Variants in CDH13 observed in about 807,000 individuals in gnomAD.
CDH13 encodes the protein cadherin 13, also known as cadherin-13.
In CDH13, 24 loss-of-function variants were observed where a neutral mutation model predicts 63.8. The observed-to-expected ratio is 0.38, with a 90% CI of 0.27 to 0.53. The LOEUF (loss-of-function observed/expected upper bound fraction) is 0.53, where lower values mean the gene tolerates loss of function less well. CDH13 is among the 20% of genes least tolerant of loss of function. The pLI, the probability that CDH13 is intolerant of heterozygous loss-of-function variation, is 0.85. For missense variants in CDH13, 1,049 were observed against 903.1 expected (o/e 1.16, Z -2.07); for synonymous variants, 503 against 355.3 (o/e 1.42, Z -4.67).
intron 2 of CDH13, among the ~76,000 whole-genome samples, chr16:83,024,848 C>T (rs950200411): frequency 1.3e-5 from 2 of 152,186 alleles, no homozygotes; most frequent in African/African-American, 4.8e-5. Context: ...GTTTTTCCTT[C>T]ACAACTGTTC....
At chr16:83,327,784 A>C (rs534638796) in intron 5 of CDH13, among the ~76,000 whole-genome samples, 38 of 152,352 alleles carry the variant, frequency 2.5e-4, no homozygotes, top group Non-Finnish European at 5.1e-4. Context: ...TCTTTGGAAA[A>C]GAAAAAAGTC....
intron 8 of CDH13, among the ~76,000 whole-genome samples, chr16:83,614,995 A>G (rs766508552): frequency 5.9e-5 from 9 of 152,110 alleles, no homozygotes; most frequent in Non-Finnish European, 1.3e-4. Flanking sequence ...CTGATTCTTC[A>G]CTTGATTTGA....
chr16:83,069,154 G>A (rs896274003), intron 3 of CDH13, among the ~76,000 whole-genome samples: 2 of 152,074 alleles, frequency 1.3e-5, no homozygotes, highest in African/African-American at 4.8e-5. Context: ...TTATTTGTTT[G>A]CATCTTGAAT....
chr16:82,796,202 C>T (rs904513937), intron 1 of CDH13, among the ~76,000 whole-genome samples: 2 of 152,080 alleles, frequency 1.3e-5, no homozygotes, highest in Non-Finnish European at 2.9e-5. Context: ...TGGGTGAACT[C>T]AATTGACAGG....
intron 4 of CDH13, among the ~76,000 whole-genome samples, chr16:83,162,902 G>T (rs1817389742): frequency 6.6e-6 from 1 of 152,062 alleles, no homozygotes; most frequent in South Asian, 2.1e-4. Context: ...AGCTTGGGCT[G>T]CTCCCAAGTC....
At chr16:82,774,736 C>G (rs566399760) in intron 1 of CDH13, among the ~76,000 whole-genome samples, 13 of 152,286 alleles carry the variant, frequency 8.5e-5, no homozygotes, top group African/African-American at 1.4e-4. Flanking sequence ...TGAGGCTCTG[C>G]TGCATTCATG....
At chr16:83,264,716 T>C (rs934356150) in intron 5 of CDH13, among the ~76,000 whole-genome samples, 4 of 151,868 alleles carry the variant, frequency 2.6e-5, no homozygotes, top group African/African-American at 9.7e-5. Context: ...TTCTAATTCC[T>C]AGAGACAACA....
At chr16:82,912,768 C>A (rs1051166146) in intron 2 of CDH13, among the ~76,000 whole-genome samples, 2 of 152,004 alleles carry the variant, frequency 1.3e-5, no homozygotes, top group Non-Finnish European at 2.9e-5. Context: ...ACGGTGAAAC[C>A]CCGTCTCTAC....
intron 7 of CDH13, among the ~76,000 whole-genome samples, chr16:83,586,805 G>T (rs4548845): frequency 0.89 from 135,954 of 152,206 alleles, 61,801 homozygotes; most frequent in Non-Finnish European, 0.97. Flanking sequence ...GCCGGGTTAT[G>T]CTCACTGCTT....
intron 7 of CDH13, among the ~76,000 whole-genome samples, chr16:83,492,389 C>G (rs933593396): frequency 5.3e-5 from 8 of 152,146 alleles, no homozygotes; most frequent in African/African-American, 1.9e-4. Flanking sequence ...GGAATATTAT[C>G]TTGCTTTGTT....
chr16:82,924,539 A>G (rs1029092155), intron 2 of CDH13, among the ~76,000 whole-genome samples: 2 of 152,112 alleles, frequency 1.3e-5, no homozygotes, highest in African/African-American at 4.8e-5. Flanking sequence ...ACTTGGAGCC[A>G]TTACTTCCTA....
At chr16:83,470,045 A>C (rs943489838) in intron 6 of CDH13, among the ~76,000 whole-genome samples, 4 of 152,222 alleles carry the variant, frequency 2.6e-5, no homozygotes, top group Non-Finnish European at 5.9e-5. Context: ...CAACTATTAC[A>C]GTACAAGATA....
intron 3 of CDH13, among the ~76,000 whole-genome samples, chr16:83,051,057 T>C (rs895084973): frequency 6.6e-6 from 1 of 152,220 alleles, no homozygotes; most frequent in Non-Finnish European, 1.5e-5. Flanking sequence ...CTTTTAAGTT[T>C]ATCTTTCTCC....
chr16:83,260,305 A>T (rs1906829142), intron 5 of CDH13, among the ~76,000 whole-genome samples: 1 of 152,238 alleles, frequency 6.6e-6, no homozygotes, highest in Admixed American at 6.5e-5. Context: ...TGCTGATGCA[A>T]GATGTTAGGT....
chr16:83,474,548 C>G (rs1431931199), intron 6 of CDH13, among the ~76,000 whole-genome samples: 1 of 152,182 alleles, frequency 6.6e-6, no homozygotes, highest in East Asian at 1.9e-4. Context: ...CAACCTCATT[C>G]TCATGTACGG....
intron 3 of CDH13, among the ~76,000 whole-genome samples, chr16:83,045,723 A>G (rs758183234): frequency 3.3e-5 from 5 of 151,754 alleles, no homozygotes; most frequent in Non-Finnish European, 7.4e-5. Flanking sequence ...AGTGTTTGAT[A>G]AAGACCATGG....
chr16:83,791,602 G>A (rs1916268843), intron 13 of CDH13, among the ~76,000 whole-genome samples: 1 of 151,948 alleles, frequency 6.6e-6, no homozygotes, highest in African/African-American at 2.4e-5. Flanking sequence ...CACAAGGTCA[G>A]GAGTTCAAGA....
intron 7 of CDH13, among the ~76,000 whole-genome samples, chr16:83,528,748 C>T (rs2075017225): frequency 6.6e-6 from 1 of 152,174 alleles, no homozygotes; most frequent in South Asian, 2.1e-4. Context: ...AGTTATCATG[C>T]TGAACACAGT....
At chr16:82,748,732 C>A (rs1029483545) in intron 1 of CDH13, among the ~76,000 whole-genome samples, 1 of 152,112 alleles carries the variant, frequency 6.6e-6, no homozygotes, top group African/African-American at 2.4e-5. Context: ...CACGTAGAAG[C>A]CCAAGAGTAC....
Sources: allele counts gnomAD v4.1 joint callset (sites outside exome capture counted in the v4.1 genomes callset), GRCh38; gene constraint gnomAD v4.1.1; transcripts MANE v1.5; gene names NCBI Gene and HGNC (gene_info 2026-07-23, HGNC 2026-07-21).